The following CDH13 variants were observed in gnomAD, a reference collection of about 807,000 sequenced individuals.
The protein encoded by CDH13 is cadherin-13.
CDH13 carries 24 observed loss-of-function variants against 63.8 expected under a neutral mutation model. That is an observed-to-expected ratio of 0.38 (90% confidence interval 0.27 to 0.53). CDH13 has a LOEUF of 0.53. Among genes scored for constraint, CDH13 ranks in the 20% least tolerant of loss-of-function variants. The probability of loss-of-function intolerance (pLI) is 0.85; values close to 1 mark genes in which losing one functional copy is unlikely to be tolerated. For missense variants in CDH13, 1,049 were observed against 903.1 expected, an observed-to-expected ratio of 1.16 and a Z score of -2.07; for synonymous variants, 503 against 355.3, an observed-to-expected ratio of 1.42 and a Z score of -4.67.
chr16:82,689,888 T>C (rs1428021626), intron 1 of CDH13, among the ~76,000 whole-genome samples: 1 of 143,478 alleles, frequency 7.0e-6, no homozygotes. Context: ...CTCACGCCTA[T>C]AATCCCAGCA....
chr16:82,627,337 CGTGTGTGTGT>C lies in CDH13; in HGVS notation c.45+235_45+244del, dbSNP rs71146081. ...ACACACAGGCTCCCACTCTGGCGTG[CGTGTGTGTGT>C]GTGTGTGTGTGTGTGTGTGTGTGTG... On this transcript the variant is annotated intron_variant, in intron 1 of 13. Transcript: ENST00000567109. Among the ~76,000 whole-genome samples, 411 of 131,240 alleles carry C rather than the reference CGTGTGTGTGT, an allele frequency of 3.1e-3. 4 individuals are homozygous for C. The highest frequency in any genetic ancestry group is 0.013 in the Admixed American group (180 of 13,404). The allele number at this position is 131,240 out of a possible 152,430, so 86.1% of individuals were successfully genotyped here.
chr16:82,811,053 A>C (rs1238713022), intron 1 of CDH13, among the ~76,000 whole-genome samples: 1 of 152,136 alleles, frequency 6.6e-6, no homozygotes, highest in Non-Finnish European at 1.5e-5. Flanking sequence ...AAATTACGAT[A>C]TAAGCTACTT....
intron 6 of CDH13, among the ~76,000 whole-genome samples, chr16:83,482,040 C>T (rs749513863): frequency 3.3e-5 from 5 of 152,112 alleles, no homozygotes; most frequent in African/African-American, 1.2e-4. Context: ...GGTATGTGAC[C>T]CAGGAATCCC....
intron 7 of CDH13, among the ~76,000 whole-genome samples, chr16:83,598,109 T>C (rs1856076851): frequency 6.6e-6 from 1 of 152,224 alleles, no homozygotes; most frequent in African/African-American, 2.4e-5. Context: ...CTCATGCCTA[T>C]AATCACAGCA....
chr16:83,014,842 G>GTGTA (rs1914591344), intron 2 of CDH13, among the ~76,000 whole-genome samples: 1 of 35,966 alleles, frequency 2.8e-5, no homozygotes, highest in Non-Finnish European at 4.8e-5. Context: ...ATATATATTT[G>GTGTA]TATATATATA....
At chr16:83,383,631 G>A (rs11639769) in intron 6 of CDH13, among the ~76,000 whole-genome samples, 16,168 of 152,120 alleles carry the variant, frequency 0.11, 1,120 homozygotes, top group Non-Finnish European at 0.15. Flanking sequence ...AATTCTTTGG[G>A]TTGTTTTCTG....
At position 82,644,187 on chromosome 16, in the gene CDH13, C is replaced by T. The variant is rs151129706; in HGVS notation, c.45+17050C>T. On this transcript the variant is annotated intron_variant, in intron 1 of 13. Coordinates refer to ENST00000567109, the MANE Select transcript of CDH13 (RefSeq NM_001257.5). The surrounding 1 kb of genome is among the most constrained non-coding windows in gnomAD (Gnocchi z 5.7). Reference sequence around the variant, plus strand: ...TACCCAAATTAACATGAATGTTTGGCACCCTTTGGCTGGTGCGGCTGAAGA... The same window carrying T: ...TACCCAAATTAACATGAATGTTTGGTACCCTTTGGCTGGTGCGGCTGAAGA... 2.6e-3 allele frequency among the ~76,000 whole-genome samples: 392 copies of T among 152,256 alleles called. 2 individuals carry two copies. The highest frequency in any genetic ancestry group is 9.0e-3 in the African/African-American group (375 of 41,532).
intron 1 of CDH13, among the ~76,000 whole-genome samples, chr16:82,755,756 T>C (rs1196606957): frequency 6.6e-6 from 1 of 152,220 alleles, no homozygotes; most frequent in Non-Finnish European, 1.5e-5. Flanking sequence ...GAATCCGTTG[T>C]GGCGGGATTG....
At chr16:83,217,538 G>A (rs777312938) in intron 5 of CDH13, 41 bp downstream of exon 5, 2 of 1,585,350 alleles carry the variant, frequency 1.3e-6, no homozygotes, top group Middle Eastern at 1.8e-4. Flanking sequence ...GCGCAGAAAT[G>A]TGGCTTTCAA....
intron 1 of CDH13, among the ~76,000 whole-genome samples, chr16:82,657,285 T>C (rs1257502975): frequency 1.3e-5 from 2 of 152,166 alleles, no homozygotes; most frequent in African/African-American, 4.8e-5. Flanking sequence ...TATGTTGTAA[T>C]AAAAGTTACA....
intron 7 of CDH13, among the ~76,000 whole-genome samples, chr16:83,542,658 C>T (rs933588903): frequency 6.6e-6 from 1 of 152,232 alleles, no homozygotes; most frequent in South Asian, 2.1e-4. Context: ...CTTGTGTCTT[C>T]CAGCTTCTGA....
At chr16:83,710,948 C>T (rs749978650) in intron 10 of CDH13, among the ~76,000 whole-genome samples, 5 of 152,144 alleles carry the variant, frequency 3.3e-5, no homozygotes, top group African/African-American at 4.8e-5. Context: ...GGCTGAACTA[C>T]GATGAATGTT....
At chr16:83,259,957 T>C (rs1426235109) in intron 5 of CDH13, among the ~76,000 whole-genome samples, 3 of 152,110 alleles carry the variant, frequency 2.0e-5, no homozygotes, top group African/African-American at 4.8e-5. Context: ...ATTCTAACAA[T>C]TGAAAGAGGA....
At chr16:83,561,001 G>A (rs2075695261) in intron 7 of CDH13, among the ~76,000 whole-genome samples, 1 of 152,216 alleles carries the variant, frequency 6.6e-6, no homozygotes, top group African/African-American at 2.4e-5. Context: ...TCACCTGTAA[G>A]TTCATGCTAC....
At chr16:83,424,443 G>C (rs947960878) in intron 6 of CDH13, among the ~76,000 whole-genome samples, 1 of 152,210 alleles carries the variant, frequency 6.6e-6, no homozygotes, top group Admixed American at 6.5e-5. Flanking sequence ...GTTCAAACTA[G>C]TTGGATTTAT....
intron 4 of CDH13, among the ~76,000 whole-genome samples, chr16:83,134,049 G>C (rs1388614458): frequency 6.6e-6 from 1 of 152,114 alleles, no homozygotes; most frequent in Non-Finnish European, 1.5e-5. Flanking sequence ...AGCCTGCTTT[G>C]TTGTTAGAAT....
intron 1 of CDH13, among the ~76,000 whole-genome samples, chr16:82,822,458 G>C (rs978711425): frequency 1.3e-5 from 2 of 152,146 alleles, no homozygotes; most frequent in South Asian, 4.1e-4. Flanking sequence ...ATAAAAGTTA[G>C]GTTAAATCAT....
intron 2 of CDH13, among the ~76,000 whole-genome samples, chr16:82,893,922 C>T (rs555905564): frequency 3.9e-4 from 60 of 152,294 alleles, no homozygotes; most frequent in African/African-American, 1.3e-3. Flanking sequence ...CCAATACCAC[C>T]ACTTCAGTAA....
At chr16:83,017,967 C>A (rs138096742) in intron 2 of CDH13, among the ~76,000 whole-genome samples, 291 of 152,270 alleles carry the variant, frequency 1.9e-3, no homozygotes, top group African/African-American at 6.7e-3. Context: ...GAAACAAGCC[C>A]AGCAAAACAC....
Sources: allele counts gnomAD v4.1 joint callset (sites outside exome capture counted in the v4.1 genomes callset), GRCh38; gene constraint gnomAD v4.1.1; non-coding constraint Gnocchi (gnomAD v3.1); transcripts MANE v1.5; gene names NCBI Gene and HGNC (gene_info 2026-07-23, HGNC 2026-07-21).